TENM4: variants seen among roughly 807,000 people sequenced by gnomAD.
TENM4 encodes teneurin transmembrane protein 4.
Under a neutral mutation model 243.3 loss-of-function variants are expected in TENM4, and 82 were observed. The observed-to-expected ratio is 0.34, with a 90% CI of 0.28 to 0.40. The LOEUF (loss-of-function observed/expected upper bound fraction) is 0.40. Among genes scored for constraint, TENM4 ranks in the 10% least tolerant of loss-of-function variants. TENM4 has a pLI of 1.00. For synonymous variants in TENM4, 1,412 were observed against 1,456.3 expected (o/e 0.97, Z 0.69); for missense variants, 3,138 against 3,673.3 (o/e 0.85, Z 3.77).
At chr11:79,089,884 CA>C (rs1860905326) in intron 4 of TENM4, among the ~76,000 whole-genome samples, 1 of 152,118 alleles carries the variant, frequency 6.6e-6, no homozygotes, top group African/African-American at 2.4e-5. Flanking sequence ...TCACAGAGGG[CA>C]AGGATTTGCT....
chr11:79,208,596 T>C (rs969400071), intron 3 of TENM4, among the ~76,000 whole-genome samples: 1 of 152,186 alleles, frequency 6.6e-6, no homozygotes, highest in African/African-American at 2.4e-5. Context: ...AATTCCAGAC[T>C]CCCTTACTTC....
In TENM4 at chr11:78,854,171, G is replaced by C; in HGVS notation, c.1614C>G (p.Ile538Met). Residue 538 changes from isoleucine (I) to methionine (M), a missense_variant, in exon 12 of 34, where the codon ATC (isoleucine) becomes ATG (methionine). This residue lies in a region of TENM4 where 2,467 missense variants were observed against 3,059.1 expected (regional missense o/e 0.81). Transcript: ENST00000278550. ...CGTCATTGTAAAAAGCCAAGTGCCA[G>C]ATTCCTGAATCCAAATACTGGATGA... ...TGFIQYLDSG[I>M]WHLAFYNDGK... is the part of the protein sequence containing the mutation. The C allele has an allele frequency of 1.9e-6, 3 of 1,551,732 alleles. No homozygotes were observed. The South Asian group carries it at 3.6e-5, about 18-fold the overall frequency.
Position 78,756,960 on chromosome 11 carries a change from C to G in TENM4, c.2601G>C (p.Pro867=), listed in dbSNP as rs12291278. The change falls in exon 19 of 34, where the codon CCG becomes CCC. Residue 867 remains proline (P), a synonymous_variant. Coordinates refer to ENST00000278550, the MANE Select transcript of TENM4 (RefSeq NM_001098816.3). ...GAGGGTTAGGGGAGCCAAGGCACAG[C>G]GGGTTGATATGGCACAGGGGCTGGA... The part of the protein sequence containing the change: ...CCLQPLCHIN[P]LCLGSPNPLD... 20 of 1,613,842 alleles carry G rather than the reference C, an allele frequency of 1.2e-5. No homozygotes were observed. The highest frequency in any genetic ancestry group is 1.7e-5 in the Non-Finnish European group (20 of 1,179,900).
intron 1 of TENM4, among the ~76,000 whole-genome samples, chr11:79,331,833 G>A (rs1857066857): frequency 6.6e-6 from 1 of 152,198 alleles, no homozygotes; most frequent in Non-Finnish European, 1.5e-5. Context: ...GCTCCAGACA[G>A]CATCCTTGCT....
At chr11:79,124,657 G>GTGTGTGTT (rs1231659864) in intron 4 of TENM4, among the ~76,000 whole-genome samples, 7 of 149,200 alleles carry the variant, frequency 4.7e-5, no homozygotes, top group Non-Finnish European at 8.9e-5. Context: ...GTGTGTGTGT[G>GTGTGTGTT]TGTGTGTGTG....
At chr11:79,255,296 G>A (rs911714326) in intron 2 of TENM4, among the ~76,000 whole-genome samples, 5 of 152,246 alleles carry the variant, frequency 3.3e-5, no homozygotes, top group African/African-American at 1.2e-4. Context: ...AGAAGGACCT[G>A]TGTGTGAAAT....
At chr11:78,763,604 G>C (rs74443266) in intron 18 of TENM4, among the ~76,000 whole-genome samples, 1 of 152,216 alleles carries the variant, frequency 6.6e-6, no homozygotes, top group African/African-American at 2.4e-5. Flanking sequence ...TGCCTTGCAG[G>C]TAGTTGTCAA....
intron 6 of TENM4, among the ~76,000 whole-genome samples, chr11:78,913,518 C>A (rs1224049436): frequency 6.6e-6 from 1 of 151,768 alleles, no homozygotes; most frequent in Non-Finnish European, 1.5e-5. Flanking sequence ...CAAAAATGAT[C>A]TGATCCATAA....
chr11:79,328,640 T>C (rs1206942195), intron 1 of TENM4, among the ~76,000 whole-genome samples: 1 of 150,894 alleles, frequency 6.6e-6, no homozygotes, highest in Non-Finnish European at 1.5e-5. Context: ...ACAGGAAGAG[T>C]GTGGGAAGAA....
intron 12 of TENM4, among the ~76,000 whole-genome samples, chr11:78,821,316 T>C (rs1857726492): frequency 6.6e-6 from 1 of 152,240 alleles, no homozygotes; most frequent in South Asian, 2.1e-4. Flanking sequence ...CAAAGAGTCT[T>C]GTGATTGCTA....
intron 10 of TENM4, 23 bp downstream of exon 10, chr11:78,862,939 C>T (rs1858859922): frequency 1.4e-6 from 2 of 1,409,134 alleles, no homozygotes; most frequent in South Asian, 3.2e-5. Flanking sequence ...GGACTCACAA[C>T]ACGGACAACG....
At chr11:78,731,949 A>G (rs1855676664) in intron 21 of TENM4, among the ~76,000 whole-genome samples, 1 of 152,250 alleles carries the variant, frequency 6.6e-6, no homozygotes, top group Non-Finnish European at 1.5e-5. Context: ...TCCTCTTGGT[A>G]GAACCATTTA....
At chr11:78,661,982 A>G (rs1858042744) in intron 32 of TENM4, among the ~76,000 whole-genome samples, 2 of 152,128 alleles carry the variant, frequency 1.3e-5, no homozygotes, top group African/African-American at 4.8e-5. Context: ...AAAAGAAAAG[A>G]TTTTAATGAT....
At chr11:79,416,898 G>A (rs1858827068) in intron 1 of TENM4, among the ~76,000 whole-genome samples, 1 of 151,236 alleles carries the variant, frequency 6.6e-6, no homozygotes, top group Admixed American at 6.6e-5. Flanking sequence ...GAAAAAAAAA[G>A]ACAGACACTA....
intron 1 of TENM4, among the ~76,000 whole-genome samples, chr11:79,396,087 T>C (rs1474473130): frequency 1.3e-5 from 2 of 152,172 alleles, no homozygotes; most frequent in Admixed American, 1.3e-4. Context: ...TCCCCCTGCC[T>C]ATGTTCTTCC....
chr11:78,791,569 A>G (rs1207584102), intron 15 of TENM4, among the ~76,000 whole-genome samples: 1 of 152,348 alleles, frequency 6.6e-6, no homozygotes, highest in African/African-American at 2.4e-5. Context: ...CAAGCCCCAC[A>G]GTGGGCACTG....
intron 29 of TENM4, among the ~76,000 whole-genome samples, chr11:78,686,809 G>A (rs1170325572): frequency 6.6e-6 from 1 of 152,222 alleles, no homozygotes. Flanking sequence ...GGTGAAGAAG[G>A]AATTCCAGCG....
At chr11:78,950,468 G>C (rs999167302) in intron 6 of TENM4, among the ~76,000 whole-genome samples, 1 of 152,172 alleles carries the variant, frequency 6.6e-6, no homozygotes, top group African/African-American at 2.4e-5. Flanking sequence ...GAAAGGGAGA[G>C]ATGGCTGTTA....
chr11:79,013,736 A>T (rs1165906723), intron 6 of TENM4, among the ~76,000 whole-genome samples: 1 of 152,204 alleles, frequency 6.6e-6, no homozygotes, highest in African/African-American at 2.4e-5. Context: ...GCCATTCCAG[A>T]TCCAACACAT....
Sources: gnomAD v4.1 joint callset for allele counts (sites outside exome capture counted in the v4.1 genomes callset) on GRCh38, gnomAD v4.1.1 for gene constraint, gnomAD v4.1.1 regional missense constraint, MANE v1.5 for transcripts, NCBI Gene and HGNC (gene_info 2026-07-23, HGNC 2026-07-21) for gene names.